The following GNAI1 variants were observed in gnomAD, a reference collection of about 807,000 sequenced individuals.
The protein encoded by GNAI1 is G protein subunit alpha i1, also known as guanine nucleotide-binding protein G(i) subunit alpha-1.
A neutral mutation model predicts 38.9 loss-of-function variants in GNAI1; 11 were observed. That is an observed-to-expected ratio of 0.28 (90% CI 0.18 to 0.47). The LOEUF is 0.47. Ranked by LOEUF, GNAI1 falls within the 20% of genes least tolerant of loss-of-function variation. The pLI is 0.99. For synonymous variants in GNAI1, 166 were observed against 145.1 expected (o/e 1.14, Z -1.04); for missense variants, 317 against 436.9 (o/e 0.73, Z 2.45).
At chr7:80,139,690 C>A (rs1011069125) in intron 1 of GNAI1, among the ~76,000 whole-genome samples, 2 of 152,100 alleles carry the variant, frequency 1.3e-5, no homozygotes, top group East Asian at 3.9e-4. Context: ...AAATAACTGT[C>A]CAGCCAAATT....
chr7:80,168,628 C>T (rs1401305471), intron 1 of GNAI1, among the ~76,000 whole-genome samples: 2 of 152,128 alleles, frequency 1.3e-5, no homozygotes, highest in Non-Finnish European at 2.9e-5. Context: ...TGTGATCTGC[C>T]TGCCTTGGCC....
intron 3 of GNAI1, among the ~76,000 whole-genome samples, chr7:80,192,073 A>G (rs1375733893): frequency 6.6e-6 from 1 of 152,142 alleles, no homozygotes; most frequent in African/African-American, 2.4e-5. Context: ...ATTCTGTTTA[A>G]GTATTAAGCA....
At chr7:80,197,962 C>T (rs570182808) in intron 3 of GNAI1, among the ~76,000 whole-genome samples, 25 of 152,158 alleles carry the variant, frequency 1.6e-4, no homozygotes, top group African/African-American at 5.8e-4. Context: ...TGGAAGAATG[C>T]CTCTTGAAAG....
intron 1 of GNAI1, among the ~76,000 whole-genome samples, chr7:80,183,839 G>A (rs1788342317): frequency 6.6e-6 from 1 of 152,078 alleles, no homozygotes; most frequent in African/African-American, 2.4e-5. Flanking sequence ...CTTATATCTT[G>A]ATTTGTTTTT....
chr7:80,171,184 A>G (rs1788092799), intron 1 of GNAI1, among the ~76,000 whole-genome samples: 2 of 152,208 alleles, frequency 1.3e-5, no homozygotes, highest in Non-Finnish European at 2.9e-5. Flanking sequence ...TTTTCTGATT[A>G]GTATTTACTT....
At chr7:80,163,982 TG>T (rs1161000907) in intron 1 of GNAI1, among the ~76,000 whole-genome samples, 1 of 150,170 alleles carries the variant, frequency 6.7e-6, no homozygotes, top group African/African-American at 2.4e-5. Context: ...TTTTTTTTTT[TG>T]GTGGGGGGAC....
Position 80,220,040 on chromosome 7 carries a change from GT to G in GNAI1, c.*2549del, listed in dbSNP as rs1789044105. 6.6e-6 allele frequency among the ~76,000 whole-genome samples: 1 copy of G among 152,032 alleles called. No individual in the cohort carries two copies. Among genetic ancestry groups the G allele is most frequent in the Non-Finnish European group, 1.5e-5 (1 of 67,998 alleles). ...ATTTCTCTCTTCTCGAAAAACCCAG[GT>G]TAGTTATCCTAATGTAGAACTGTGG... On this transcript the variant is annotated 3_prime_UTR_variant, in exon 8 of 8. Transcript: ENST00000649796.
At chr7:80,157,475 T>C (rs1214544205) in intron 1 of GNAI1, among the ~76,000 whole-genome samples, 5 of 152,176 alleles carry the variant, frequency 3.3e-5, no homozygotes, top group Admixed American at 1.3e-4. Context: ...ACACAATTTT[T>C]GGATAATATG....
At chr7:80,173,737 T>C (rs925242929) in intron 1 of GNAI1, among the ~76,000 whole-genome samples, 1 of 152,134 alleles carries the variant, frequency 6.6e-6, no homozygotes, top group Non-Finnish European at 1.5e-5. Context: ...AAATGAAATA[T>C]CTGGTGCTAT....
chr7:80,142,612 T>A (rs1315342405), intron 1 of GNAI1, among the ~76,000 whole-genome samples: 2 of 152,240 alleles, frequency 1.3e-5, no homozygotes, highest in Non-Finnish European at 1.5e-5. Context: ...TGTTTCATAA[T>A]TGTTGGTTAA....
At chr7:80,192,917 T>C (rs1441163654) in intron 3 of GNAI1, among the ~76,000 whole-genome samples, 1 of 152,112 alleles carries the variant, frequency 6.6e-6, no homozygotes, top group East Asian at 1.9e-4. Flanking sequence ...CAGGCTGGTC[T>C]CGATCTCCTG....
chr7:80,173,881 C>T (rs573726469), intron 1 of GNAI1, among the ~76,000 whole-genome samples: 2 of 152,134 alleles, frequency 1.3e-5, no homozygotes, highest in African/African-American at 2.4e-5. Flanking sequence ...AACTCAGTTA[C>T]CACACTGTCT....
intron 1 of GNAI1, among the ~76,000 whole-genome samples, chr7:80,167,442 A>G (rs925350064): frequency 3.9e-5 from 6 of 152,298 alleles, no homozygotes; most frequent in Middle Eastern, 3.4e-3. Context: ...CTGGAGTAGT[A>G]GCTCCCATCC....
chr7:80,144,688 G>A (rs1015981244), intron 1 of GNAI1, among the ~76,000 whole-genome samples: 5 of 152,052 alleles, frequency 3.3e-5, no homozygotes, highest in African/African-American at 1.2e-4. Context: ...TACTAATTTT[G>A]TTCTTCATGG....
chr7:80,173,117 T>C (rs1454289516), intron 1 of GNAI1, among the ~76,000 whole-genome samples: 1 of 152,130 alleles, frequency 6.6e-6, no homozygotes, highest in Non-Finnish European at 1.5e-5. Context: ...ATTGTGCCCT[T>C]AAGGTGAAAG....
intron 1 of GNAI1, among the ~76,000 whole-genome samples, chr7:80,169,990 C>T (rs544321298): frequency 6.6e-6 from 1 of 152,184 alleles, no homozygotes; most frequent in Admixed American, 6.5e-5. Flanking sequence ...TACATTGTCA[C>T]ATGTATCAGT....
At chr7:80,145,073 G>A (rs1787595026) in intron 1 of GNAI1, among the ~76,000 whole-genome samples, 2 of 152,090 alleles carry the variant, frequency 1.3e-5, no homozygotes, top group Admixed American at 6.5e-5. Flanking sequence ...TGATCCACTA[G>A]CATCTTCATA....
chr7:80,163,966 CTT>C (rs1313381597), intron 1 of GNAI1, among the ~76,000 whole-genome samples: 26 of 74,990 alleles, frequency 3.5e-4, no homozygotes, highest in Non-Finnish European at 4.3e-4. Flanking sequence ...CTGGTGCTTT[CTT>C]TTTTTTTTTT....
At chr7:80,139,290 C>T (rs1787481850) in intron 1 of GNAI1, among the ~76,000 whole-genome samples, 1 of 152,110 alleles carries the variant, frequency 6.6e-6, no homozygotes, top group Non-Finnish European at 1.5e-5. Context: ...CTTGTCTTTC[C>T]CTCTAGCCTG....
Sources: allele counts gnomAD v4.1 joint callset (sites outside exome capture counted in the v4.1 genomes callset), GRCh38; gene constraint gnomAD v4.1.1; transcripts MANE v1.5; gene names NCBI Gene and HGNC (gene_info 2026-07-23, HGNC 2026-07-21).